Variants in ARID1B observed in about 807,000 individuals in gnomAD.
ARID1B encodes the protein AT-rich interaction domain 1B, also known as AT-rich interactive domain-containing protein 1B.
Under a neutral mutation model 212.3 loss-of-function variants are expected in ARID1B, and 30 were observed. The observed-to-expected ratio is 0.14, with a 90% CI of 0.11 to 0.19. ARID1B has a LOEUF of 0.19. Among genes scored for constraint, ARID1B ranks in the 10% least tolerant of loss-of-function variants. The pLI is 1.00. For missense variants in ARID1B, 2,891 were observed against 3,204.0 expected (o/e 0.90, Z 2.36); for synonymous variants, 1,402 against 1,301.7 (o/e 1.08, Z -1.66).
chr6:157,103,982 C>A (rs1007103427), intron 5 of ARID1B, among the ~76,000 whole-genome samples: 3 of 151,822 alleles, frequency 2.0e-5, no homozygotes, highest in African/African-American at 7.3e-5. Flanking sequence ...ATTACAGGCA[C>A]CTGCCACCAT....
chr6:156,848,398 T>C (rs928665457), intron 2 of ARID1B, among the ~76,000 whole-genome samples: 16 of 152,248 alleles, frequency 1.1e-4, no homozygotes, highest in Admixed American at 9.2e-4. Flanking sequence ...TCAGTTTATT[T>C]GGCCAGTGTT....
At chr6:157,112,151 A>G (rs1013528598) in intron 6 of ARID1B, among the ~76,000 whole-genome samples, 9 of 151,862 alleles carry the variant, frequency 5.9e-5, no homozygotes, top group African/African-American at 1.7e-4. Context: ...CCCTGTCTCA[A>G]AAAAATAAAA....
At chr6:157,039,738 T>TCCCC (rs1465339732) in intron 4 of ARID1B, among the ~76,000 whole-genome samples, 1 of 65,422 alleles carries the variant, frequency 1.5e-5, no homozygotes, top group African/African-American at 6.5e-5. Flanking sequence ...TTTCCCTCCC[T>TCCCC]CCCTCCCTTC....
chr6:156,891,858 T>G (rs1285625915), intron 2 of ARID1B, among the ~76,000 whole-genome samples: 2 of 148,348 alleles, frequency 1.3e-5, no homozygotes, highest in African/African-American at 5.1e-5. Context: ...TTTCATACCT[T>G]TTCTTTTTCT....
intron 4 of ARID1B, among the ~76,000 whole-genome samples, chr6:157,038,092 C>T (rs1186468593): frequency 6.6e-6 from 1 of 152,040 alleles, no homozygotes; most frequent in Non-Finnish European, 1.5e-5. Flanking sequence ...GCCTTTTGTA[C>T]ATATTTGGTG....
At chr6:156,863,926 G>C (rs1292872840) in intron 2 of ARID1B, among the ~76,000 whole-genome samples, 1 of 152,122 alleles carries the variant, frequency 6.6e-6, no homozygotes, top group Non-Finnish European at 1.5e-5. Flanking sequence ...GAGAGATTCC[G>C]TTACTTCTTG....
intron 5 of ARID1B, among the ~76,000 whole-genome samples, chr6:157,086,753 G>T (rs146020951): frequency 6.6e-6 from 1 of 152,160 alleles, no homozygotes; most frequent in Admixed American, 6.5e-5. Flanking sequence ...CTGGGTATCA[G>T]GTGTTACATT....
chr6:157,210,382 A>G lies in ARID1B; in HGVS notation c.*2491A>G, dbSNP rs1407429971. 4.3e-6 allele frequency: 1 copy of G among 230,250 alleles called. No individual in the cohort carries two copies. The highest frequency in any genetic ancestry group is 8.6e-6 in the Non-Finnish European group (1 of 116,252). The allele number at this position is 230,250 out of a possible 1,614,324, so 14.3% of individuals were successfully genotyped here. ...ATCCAGTATTCCAATTCCTTTGTCA[A>G]TCAGAAGAGTAAAATAATTAACAAA... On this transcript the variant is annotated 3_prime_UTR_variant, in exon 20 of 20. Coordinates refer to ENST00000636930, the MANE Select transcript of ARID1B (RefSeq NM_001374828.1).
At chr6:156,912,254 C>CT (rs34051264) in intron 3 of ARID1B, among the ~76,000 whole-genome samples, 1,909 of 126,582 alleles carry the variant, frequency 0.015, 9 homozygotes, top group African/African-American at 0.023. Flanking sequence ...AATCAAACCT[C>CT]TTTTTTTTTT....
chr6:156,797,466 T>C (rs977755625), intron 1 of ARID1B, among the ~76,000 whole-genome samples: 6 of 152,214 alleles, frequency 3.9e-5, no homozygotes, highest in Non-Finnish European at 7.3e-5. Context: ...AGGACAGTTG[T>C]TAAATGTAGC....
At chr6:156,977,091 CAA>C (rs144252627) in intron 4 of ARID1B, 24,698 of 148,898 alleles carry the variant, frequency 0.17, 1,486 homozygotes, top group African/African-American at 0.27. Context: ...TACATATTTA[CAA>C]AAAAAAAAAA....
chr6:156,807,656 TA>T (rs11307319), intron 1 of ARID1B, among the ~76,000 whole-genome samples: 40,696 of 152,078 alleles, frequency 0.27, 5,613 homozygotes, highest in Non-Finnish European at 0.3. Flanking sequence ...GACAATTATA[TA>T]AATATAAACA....
At chr6:157,068,550 G>C (rs556181438) in intron 4 of ARID1B, among the ~76,000 whole-genome samples, 13 of 152,354 alleles carry the variant, frequency 8.5e-5, no homozygotes, top group African/African-American at 3.1e-4. Context: ...TCTATTTTAA[G>C]TCACCAAAGG....
intron 1 of ARID1B, among the ~76,000 whole-genome samples, chr6:156,807,755 G>C (rs1781275390): frequency 6.6e-6 from 1 of 152,138 alleles, no homozygotes; most frequent in Non-Finnish European, 1.5e-5. Context: ...TCGACTTTTT[G>C]CTTTGGGTAA....
At chr6:157,031,404 A>T (rs1216108671) in intron 4 of ARID1B, among the ~76,000 whole-genome samples, 4 of 152,234 alleles carry the variant, frequency 2.6e-5, no homozygotes, top group Non-Finnish European at 1.5e-5. Flanking sequence ...GGCAAAAATT[A>T]TTCTTTCCAA....
In ARID1B at chr6:156,989,961, T is replaced by A. The variant is rs567125554; in HGVS notation, c.2247+54385T>A. On this transcript the variant is annotated intron_variant, in intron 4 of 19. Transcript: ENST00000636930. ...ATACCTTTGATATAATTCTTGCCAA[T>A]TAATTTGATTTTCAACCTTTACAAT... 1.3e-4 allele frequency among the ~76,000 whole-genome samples: 20 copies of A among 152,304 alleles called. No homozygotes were observed. In the East Asian group the frequency reaches 3.9e-3, roughly 29 times the overall value.
intron 1 of ARID1B, among the ~76,000 whole-genome samples, chr6:156,821,237 G>A (rs572426668): frequency 6.6e-5 from 10 of 152,304 alleles, no homozygotes; most frequent in Non-Finnish European, 1.3e-4. Flanking sequence ...ATGGGGAGGT[G>A]GGGTTTAGTC....
At chr6:156,891,100 G>C (rs917895836) in intron 2 of ARID1B, among the ~76,000 whole-genome samples, 3 of 152,164 alleles carry the variant, frequency 2.0e-5, no homozygotes, top group Non-Finnish European at 4.4e-5. Flanking sequence ...TTTTTGACTG[G>C]ACATGTTGAC....
intron 7 of ARID1B, 70 bp downstream of exon 7, chr6:157,133,277 AAG>A: frequency 6.9e-7 from 1 of 1,442,050 alleles, no homozygotes; most frequent in Non-Finnish European, 9.2e-7. Flanking sequence ...CTAGTCCTTC[AAG>A]ATTTTAATAT....
Sources: gnomAD v4.1 joint callset for allele counts (sites outside exome capture counted in the v4.1 genomes callset) on GRCh38, gnomAD v4.1.1 for gene constraint, MANE v1.5 for transcripts, NCBI Gene and HGNC (gene_info 2026-07-23, HGNC 2026-07-21) for gene names.